The following SIPA1L2 variants were observed in gnomAD, a reference collection of about 807,000 sequenced individuals.
SIPA1L2 encodes signal induced proliferation associated 1 like 2.
A neutral mutation model predicts 163.9 loss-of-function variants in SIPA1L2; 56 were observed. The observed-to-expected ratio is 0.34, with a 90% confidence interval of 0.28 to 0.43. SIPA1L2 has a LOEUF of 0.43. Ranked by LOEUF, SIPA1L2 falls within the 20% of genes least tolerant of loss-of-function variation. SIPA1L2 has a pLI of 1.00. For missense variants in SIPA1L2, 1,974 were observed against 2,193.5 expected (o/e 0.90, Z 2.00); for synonymous variants, 877 against 865.7 (o/e 1.01, Z -0.23).
At chr1:232,594,253 T>C (rs1029553259) in intron 1 of SIPA1L2, among the ~76,000 whole-genome samples, 3 of 152,044 alleles carry the variant, frequency 2.0e-5, no homozygotes, top group African/African-American at 2.4e-5. Flanking sequence ...AAGGAGAGCG[T>C]TGCCACCAGA....
chr1:232,567,423 T>C (rs1163611304), intron 2 of SIPA1L2, among the ~76,000 whole-genome samples: 2 of 152,182 alleles, frequency 1.3e-5, no homozygotes, highest in East Asian at 3.8e-4. Context: ...TTACTCATAA[T>C]ATAATCAAGA....
chr1:232,439,252 T>C lies in SIPA1L2; in HGVS notation c.3887A>G (p.Gln1296Arg). 1.2e-6 allele frequency: 2 copies of C among 1,614,090 alleles called. No individual in the cohort carries two copies. The highest frequency in any genetic ancestry group is 1.7e-6 in the Non-Finnish European group (2 of 1,180,050). Residue 1296 changes from glutamine to arginine, a missense_variant, in exon 15 of 23, where the codon CAG becomes CGG. Gln to Arg is a conservative substitution (Grantham distance 43). Coordinates refer to ENST00000674635, the MANE Select transcript of SIPA1L2 (RefSeq NM_020808.5). ...SRSLIHSRAE[Q>R]WADAADVSGP... is the part of the protein sequence containing the mutation. ...AGAGACGTCGGCAGCATCAGCCCAC[T>C]GCTCGGCCCGGCTGTGGATCAGGGA... is the stretch of plus-strand genomic sequence containing the variant.
At chr1:232,569,563 A>G (rs2102770198) in intron 2 of SIPA1L2, among the ~76,000 whole-genome samples, 1 of 152,350 alleles carries the variant, frequency 6.6e-6, no homozygotes, top group South Asian at 2.1e-4. Context: ...CTGTAATCCC[A>G]GCACTTTGGG....
At chr1:232,464,738 C>T (rs1664418270) in intron 9 of SIPA1L2, 102 bp downstream of exon 9, 1 of 940,190 alleles carries the variant, frequency 1.1e-6, no homozygotes, top group Admixed American at 2.9e-5. Context: ...GTAATGCATT[C>T]CCTAATTGGT....
At position 232,471,413 on chromosome 1, in the gene SIPA1L2, A is replaced by G; in HGVS notation, c.2201T>C (p.Ile734Thr). The G allele has an allele frequency of 3.1e-6, 5 of 1,614,134 alleles. No homozygotes were observed. The highest frequency in any genetic ancestry group is 4.2e-6 in the Non-Finnish European group (5 of 1,179,980). Residue 734 changes from isoleucine (I) to threonine (T), a missense_variant, in exon 8 of 23, where the codon ATA becomes ACA. Around this residue, in one of 3 missense-constraint regions of SIPA1L2, gnomAD observed 288 missense variants for 418.9 expected, o/e 0.69. Coordinates refer to ENST00000674635, the MANE Select transcript of SIPA1L2 (RefSeq NM_020808.5). ...GGTACATGGATTATGCACTTTGACT[A>G]TGACAAAGACATGCTGAAAGTGAGA... is the stretch of plus-strand genomic sequence containing the variant. Reference protein sequence around the residue: ...IRSHFQHVFVIVKVHNPCTEN... With the variant: ...IRSHFQHVFVTVKVHNPCTEN...
chr1:232,539,609 A>G (rs952284054), intron 2 of SIPA1L2, among the ~76,000 whole-genome samples: 1 of 152,042 alleles, frequency 6.6e-6, no homozygotes. Flanking sequence ...AAAGGAGAGG[A>G]TCTCACGCAG....
At chr1:232,527,683 T>C (rs57297688) in intron 2 of SIPA1L2, among the ~76,000 whole-genome samples, 196 of 147,350 alleles carry the variant, frequency 1.3e-3, no homozygotes, top group African/African-American at 4.6e-3. Flanking sequence ...TTTTCTAAAA[T>C]AACAAGAACA....
At chr1:232,413,346 C>T (rs1311634495) in intron 19 of SIPA1L2, among the ~76,000 whole-genome samples, 5 of 152,138 alleles carry the variant, frequency 3.3e-5, no homozygotes, top group Non-Finnish European at 4.4e-5. Flanking sequence ...AAGTTATGAC[C>T]GAAATCCCTA....
Position 232,483,836 on chromosome 1 carries a change from C to A in SIPA1L2, c.1937G>T (p.Arg646Leu). 2 of 1,613,992 alleles carry A rather than the reference C, an allele frequency of 1.2e-6. No individual in the cohort carries two copies. The highest frequency in any genetic ancestry group is 1.7e-6 in the Non-Finnish European group (2 of 1,179,946). Reference sequence around the variant, plus strand: ...TCGATATTTACTAAATCCTTTCAGTCGGACTCTCTGGCCCAGAAGATCAAG... The same window carrying A: ...TCGATATTTACTAAATCCTTTCAGTAGGACTCTCTGGCCCAGAAGATCAAG... ...EFLDLLGQRVRLKGFSKYRAQ... is the reference protein window; with the variant it reads ...EFLDLLGQRVLLKGFSKYRAQ... The change falls in exon 6 of 23, where the codon CGA (arginine) becomes CTA (leucine). Residue 646 changes from arginine (R) to leucine (L), a missense_variant. Transcript: ENST00000674635.
chr1:232,613,670 C>A (rs1189029466), intron 1 of SIPA1L2, among the ~76,000 whole-genome samples: 2 of 124,994 alleles, frequency 1.6e-5, no homozygotes, highest in Non-Finnish European at 3.4e-5. Flanking sequence ...TAGAAGCTTC[C>A]AATTAAGTTA....
intron 2 of SIPA1L2, among the ~76,000 whole-genome samples, chr1:232,540,627 T>C (rs562375595): frequency 1.3e-5 from 2 of 150,804 alleles, no homozygotes; most frequent in Non-Finnish European, 3.0e-5. Flanking sequence ...GGCAGAAAGA[T>C]AGAATGGAAG....
intron 1 of SIPA1L2, among the ~76,000 whole-genome samples, chr1:232,614,904 A>G (rs1351391219): frequency 6.6e-6 from 1 of 152,216 alleles, no homozygotes; most frequent in African/African-American, 2.4e-5. Flanking sequence ...GTCTTCATTC[A>G]AGAACATGAA....
At chr1:232,574,669 A>G (rs1171064090) in intron 1 of SIPA1L2, among the ~76,000 whole-genome samples, 1 of 152,226 alleles carries the variant, frequency 6.6e-6, no homozygotes, top group African/African-American at 2.4e-5. Flanking sequence ...AAACATCAAC[A>G]GAGATAAGCC....
chr1:232,453,525 C>G lies in SIPA1L2; in HGVS notation c.3095+7362G>C, dbSNP rs74836101. 9.8e-3 allele frequency among the ~76,000 whole-genome samples: 1,492 copies of G among 152,338 alleles called. 27 individuals are homozygous for G. Among genetic ancestry groups the G allele is most frequent in the African/African-American group, 0.035 (1,438 of 41,564 alleles). On this transcript the variant is annotated intron_variant, in intron 10 of 22. Transcript: ENST00000674635. ...CCTTACAAAGTACTGCAATGCTATT[C>G]TTTAATTCCAATCCACCACCTTAGC... is the stretch of plus-strand genomic sequence containing the variant.
intron 18 of SIPA1L2, among the ~76,000 whole-genome samples, chr1:232,421,432 C>A (rs1405215644): frequency 1.3e-5 from 2 of 152,110 alleles, no homozygotes; most frequent in African/African-American, 4.8e-5. Context: ...TGCCAAGGAG[C>A]CTCTCAACAG....
chr1:232,564,541 A>G (rs1659288579), intron 2 of SIPA1L2, among the ~76,000 whole-genome samples: 1 of 152,034 alleles, frequency 6.6e-6, no homozygotes, highest in African/African-American at 2.4e-5. Flanking sequence ...TCCTGGACAG[A>G]ATGAAAATCA....
intron 3 of SIPA1L2, among the ~76,000 whole-genome samples, chr1:232,500,622 C>T (rs1666418988): frequency 6.6e-6 from 1 of 152,174 alleles, no homozygotes; most frequent in African/African-American, 2.4e-5. Flanking sequence ...GCTATAATCT[C>T]ATGATCAAAC....
At chr1:232,442,384 C>A (rs1662955702) in intron 12 of SIPA1L2, among the ~76,000 whole-genome samples, 1 of 151,780 alleles carries the variant, frequency 6.6e-6, no homozygotes, top group African/African-American at 2.4e-5. Context: ...CTCGTCTCTA[C>A]TAAAAATACA....
intron 2 of SIPA1L2, among the ~76,000 whole-genome samples, chr1:232,550,635 GCAA>G (rs2103132909): frequency 6.6e-6 from 1 of 152,324 alleles, no homozygotes; most frequent in African/African-American, 2.4e-5. Flanking sequence ...AGCAGTAGCA[GCAA>G]CGTTTAATCT....
Sources: gnomAD v4.1 joint callset for allele counts (sites outside exome capture counted in the v4.1 genomes callset) on GRCh38, gnomAD v4.1.1 for gene constraint, gnomAD v4.1.1 regional missense constraint, MANE v1.5 for transcripts, NCBI Gene and HGNC (gene_info 2026-07-23, HGNC 2026-07-21) for gene names.